The following ARL6IP1 variants were observed in gnomAD, a reference collection of about 807,000 sequenced individuals.
ARL6IP1 encodes ARL6 interacting reticulophagy regulator 1, also known as ADP-ribosylation factor-like protein 6-interacting protein 1.
ARL6IP1 carries 16 observed loss-of-function variants against 30.1 expected under a neutral mutation model. That is an observed-to-expected ratio of 0.53 (90% CI 0.36 to 0.81). ARL6IP1 has a LOEUF of 0.81. ARL6IP1 is among the 30% of genes least tolerant of loss of function. The pLI, the probability that ARL6IP1 is intolerant of heterozygous loss-of-function variation, is 0.01. For missense variants in ARL6IP1, 173 were observed against 242.7 expected, an observed-to-expected ratio of 0.71 and a Z score of 1.91; for synonymous variants, 72 against 84.8, an observed-to-expected ratio of 0.85 and a Z score of 0.83.
rs145983586 is a variant in ARL6IP1, at chr16:18,796,588, T to C, written c.291-1007A>G. On this transcript the variant is annotated intron_variant, in intron 3 of 5. Coordinates refer to ENST00000304414, the MANE Select transcript of ARL6IP1 (RefSeq NM_015161.3). ...TATAAATTAGCAGACTGGAATGTTATCTGGCTAATAAGGCCAAGGTCAGTG... is the reference window on the plus strand; with the variant it reads ...TATAAATTAGCAGACTGGAATGTTACCTGGCTAATAAGGCCAAGGTCAGTG... Among the ~76,000 whole-genome samples, 515 of 152,374 alleles carry C rather than the reference T, an allele frequency of 3.4e-3. 2 individuals are homozygous for C. The highest frequency in any genetic ancestry group is 0.011 in the African/African-American group (478 of 41,582).
intron 1 of ARL6IP1, 145 bp from the exon 2 acceptor site, chr16:18,798,979 A>G: frequency 1.1e-6 from 1 of 886,866 alleles, no homozygotes. Context: ...TTTCTGAAAA[A>G]CTGCAATTTC....
At chr16:18,800,694 T>C (rs1329016641) in intron 1 of ARL6IP1, among the ~76,000 whole-genome samples, 2 of 152,212 alleles carry the variant, frequency 1.3e-5, no homozygotes, top group Non-Finnish European at 2.9e-5. Flanking sequence ...CAACTGAGAA[T>C]ATGCAAGGAT....
chr16:18,795,836 C>A (rs1056810123), intron 3 of ARL6IP1, among the ~76,000 whole-genome samples: 10 of 152,108 alleles, frequency 6.6e-5, no homozygotes, highest in Admixed American at 2.6e-4. Context: ...AGGATCATCT[C>A]TGGCTCTGAA....
Position 18,801,490 on chromosome 16 carries a change from A to T in ARL6IP1, c.-24T>A. 6.2e-7 allele frequency: 1 copy of T among 1,610,584 alleles called. No homozygotes were observed. ...ATCGTCTCGGGGATGCAGTCTCTACAAGCGCAGGCCACCTCCCCAACGAGT... is the reference window on the plus strand; with the variant it reads ...ATCGTCTCGGGGATGCAGTCTCTACTAGCGCAGGCCACCTCCCCAACGAGT... On this transcript the variant is annotated 5_prime_UTR_variant, in exon 1 of 6. Coordinates refer to ENST00000304414, the MANE Select transcript of ARL6IP1 (RefSeq NM_015161.3).
rs1382831117 is a variant in ARL6IP1 at position 18,792,443 on chromosome 16, A to T, written c.*809T>A. The T allele has an allele frequency of 6.6e-6, 1 of 152,220 alleles. No homozygotes were observed. Among genetic ancestry groups the T allele is most frequent in the Non-Finnish European group, 1.5e-5 (1 of 68,038 alleles). 9.4% of individuals were successfully genotyped at this position (152,220 alleles called of 1,614,324 possible). On this transcript the variant is annotated 3_prime_UTR_variant, in exon 6 of 6. Coordinates refer to ENST00000304414, the MANE Select transcript of ARL6IP1 (RefSeq NM_015161.3). Reference sequence around the variant, plus strand: ...TCTTAGAGTGAAAGTCATAGACATGAGTCTTAACCTACTGTATACTATAGC... The same window carrying T: ...TCTTAGAGTGAAAGTCATAGACATGTGTCTTAACCTACTGTATACTATAGC...
chr16:18,801,258 AG>A lies in ARL6IP1; in HGVS notation c.36+172del. The A allele has an allele frequency of 4.2e-6, 6 of 1,435,086 alleles. No individual in the cohort carries two copies. The South Asian group carries it at 8.8e-5, about 21-fold the overall frequency. The allele number at this position is 1,435,086 out of a possible 1,614,324, so 88.9% of individuals were successfully genotyped here. On this transcript the variant is annotated intron_variant, in intron 1 of 5. Coordinates refer to ENST00000304414, the MANE Select transcript of ARL6IP1 (RefSeq NM_015161.3). ...TCGCGCACCGTCCCCAGGAAAGGTA[AG>A]GGTTCGACACCCAGGAGTCACCCAA...
intron 3 of ARL6IP1, among the ~76,000 whole-genome samples, chr16:18,796,502 A>C (rs1316825392): frequency 6.6e-6 from 1 of 152,266 alleles, no homozygotes; most frequent in Non-Finnish European, 1.5e-5. Context: ...CTGCTCTATC[A>C]ATAACTGAGT....
In ARL6IP1 at chr16:18,797,954, T is replaced by C. The variant is rs758008999; in HGVS notation, c.261A>G (p.Leu87=). Residue 87 remains leucine (L), a synonymous_variant, in exon 3 of 6, where the codon CTA becomes CTG. Coordinates refer to ENST00000304414, the MANE Select transcript of ARL6IP1 (RefSeq NM_015161.3). ...TATTGGAGCCAAAAATTCTAGGCGC[T>C]AGAATGGGAACAAGGTAGTCAGCCA... ...LCLADYLVPI[L]APRIFGSNKW... 4.3e-6 allele frequency: 7 copies of C among 1,613,322 alleles called. No homozygotes were observed. Among genetic ancestry groups the C allele is most frequent in the Non-Finnish European group, 5.9e-6 (7 of 1,179,808 alleles).
chr16:18,795,381 C>G (rs2030198722), intron 4 of ARL6IP1, 83 bp downstream of exon 4: 6 of 889,572 alleles, frequency 6.7e-6, no homozygotes, highest in South Asian at 6.4e-5. Context: ...GAATAATTTT[C>G]AAATTATAGC....
intron 3 of ARL6IP1, 63 bp downstream of exon 3, chr16:18,797,862 A>G (rs1359417622): frequency 3.2e-6 from 5 of 1,574,330 alleles, no homozygotes; most frequent in Non-Finnish European, 4.3e-6. Flanking sequence ...CAGCATACTA[A>G]TCACAGCCAC....
At chr16:18,794,198 T>G (rs2030160537) in intron 5 of ARL6IP1, among the ~76,000 whole-genome samples, 1 of 152,168 alleles carries the variant, frequency 6.6e-6, no homozygotes, top group African/African-American at 2.4e-5. Flanking sequence ...GTGATCCACC[T>G]GCCTCAGCCT....
At chr16:18,801,323 A>G in intron 1 of ARL6IP1, 108 bp downstream of exon 1, 1 of 1,546,908 alleles carries the variant, frequency 6.5e-7, no homozygotes, top group Non-Finnish European at 8.7e-7. Context: ...GCCCAGGGAG[A>G]GAAGGGCCGG....
chr16:18,798,334 A>C (rs1489229774), intron 2 of ARL6IP1: 10 of 318,940 alleles, frequency 3.1e-5, no homozygotes, highest in Non-Finnish European at 1.7e-5. Context: ...AGAAATACCT[A>C]ATGTAGATGA....
rs780703254 is a variant in ARL6IP1, at chr16:18,793,062, T to A, written c.*190A>T. 9.2e-5 allele frequency: 43 copies of A among 467,564 alleles called. No homozygotes were observed. Among genetic ancestry groups the A allele is most frequent in the Admixed American group, 1.2e-4 (3 of 26,032 alleles). The allele number at this position is 467,564 out of a possible 1,614,324, so 29.0% of individuals were successfully genotyped here. A position where few individuals can be genotyped will look rare whatever the true frequency, so the allele number is the denominator to read the frequency against. ...ATGAAGCCAACTGCTAAGAACGCGC[T>A]CAACTATACGCGACATGAAGACACT... On this transcript the variant is annotated 3_prime_UTR_variant, in exon 6 of 6. Transcript: ENST00000304414.
At chr16:18,798,582 G>C (rs1479343327) in intron 2 of ARL6IP1, 119 bp downstream of exon 2, 2 of 1,071,706 alleles carry the variant, frequency 1.9e-6, no homozygotes, top group East Asian at 5.7e-5. Flanking sequence ...ATTCTTTATG[G>C]GTTCTTTATG....
chr16:18,795,457 A>G lies in ARL6IP1; in HGVS notation c.408+7T>C, dbSNP rs1462712582. 1 of 1,603,454 alleles carries G rather than the reference A, an allele frequency of 6.2e-7. No homozygotes were observed. The highest frequency in any genetic ancestry group is 1.3e-5 in the African/African-American group (1 of 74,560). On this transcript the variant is annotated splice_region_variant and intron_variant, in intron 4 of 5. Coordinates refer to ENST00000304414, the MANE Select transcript of ARL6IP1 (RefSeq NM_015161.3). ...TTACTGTACTTAAGTCAAAGCAAAAAAAGTACCATCTTAGGTTTTTCTTCC... is the reference window on the plus strand; with the variant it reads ...TTACTGTACTTAAGTCAAAGCAAAAGAAGTACCATCTTAGGTTTTTCTTCC...
Position 18,793,315 on chromosome 16 carries a change from G to A in ARL6IP1, c.549C>T (p.Tyr183=), listed in dbSNP as rs1376438199. ...TTATCTCCCTCTTGGCCATTCCAAT[G>A]TACTTCAAAATGATTCCATGTTGGT... is the stretch of plus-strand genomic sequence containing the variant. ...GLNQHGIILK[Y]IGMAKREINK... is the part of the protein sequence containing the mutation. The change falls in exon 6 of 6, where the codon TAC becomes TAT. Residue 183 remains tyrosine, a synonymous_variant. Transcript: ENST00000304414. 1 of 1,612,828 alleles carries A rather than the reference G, an allele frequency of 6.2e-7. No homozygotes were observed.
At chr16:18,797,170 G>A (rs1201536125) in intron 3 of ARL6IP1, among the ~76,000 whole-genome samples, 1 of 151,886 alleles carries the variant, frequency 6.6e-6, no homozygotes, top group Non-Finnish European at 1.5e-5. Context: ...ACAAGGTCAG[G>A]AGATCGAGAC....
intron 5 of ARL6IP1, among the ~76,000 whole-genome samples, chr16:18,793,957 G>C (rs2030151767): frequency 6.6e-6 from 1 of 151,858 alleles, no homozygotes; most frequent in Non-Finnish European, 1.5e-5. Flanking sequence ...CAGGTGATCA[G>C]AGGTTATTAC....
Sources: gnomAD v4.1 joint callset for allele counts (sites outside exome capture counted in the v4.1 genomes callset) on GRCh38, gnomAD v4.1.1 for gene constraint, MANE v1.5 for transcripts, NCBI Gene and HGNC (gene_info 2026-07-23, HGNC 2026-07-21) for gene names.